The following PHF24 variants were observed in gnomAD, a reference collection of about 807,000 sequenced individuals.
PHF24 encodes Galpha inhibitory interacting protein.
In PHF24, 25 loss-of-function variants were observed where a neutral mutation model predicts 42.6. That is an observed-to-expected ratio of 0.59 (90% confidence interval 0.43 to 0.82). The LOEUF (loss-of-function observed/expected upper bound fraction) is 0.82, where lower values mean the gene tolerates loss of function less well. Among genes scored for constraint, PHF24 ranks in the 40% least tolerant of loss-of-function variants. The pLI is 0.00. For missense variants in PHF24, 470 were observed against 538.1 expected, an observed-to-expected ratio of 0.87 and a Z score of 1.25; for synonymous variants, 185 against 204.8, an observed-to-expected ratio of 0.90 and a Z score of 0.83.
At chr9:34,708,690 G>A in the PHF24 span, among the ~76,000 whole-genome samples, 1 of 152,340 alleles carries the variant, frequency 6.6e-6, no homozygotes, top group East Asian at 1.9e-4. Flanking sequence ...TGAAGGTCAT[G>A]GAAAAGATCC....
chr9:34,721,204 T>A, the PHF24 span, among the ~76,000 whole-genome samples: 1 of 152,220 alleles, frequency 6.6e-6, no homozygotes, highest in Admixed American at 6.5e-5. Flanking sequence ...CCAGCAGTTC[T>A]CCCCTTGAGC....
chr9:34,873,383 A>G, the PHF24 span, among the ~76,000 whole-genome samples: 39 of 152,096 alleles, frequency 2.6e-4, no homozygotes, highest in African/African-American at 8.9e-4. Flanking sequence ...ATTTTTGTAT[A>G]AGGTGTAAGG....
the PHF24 span, among the ~76,000 whole-genome samples, chr9:34,746,141 G>T: frequency 6.6e-6 from 1 of 152,192 alleles, no homozygotes; most frequent in East Asian, 1.9e-4. Flanking sequence ...TGCTTGATAA[G>T]AAGGAGGGGT....
chr9:34,972,655 C>G (rs886684638), intron 3 of PHF24, 124 bp downstream of exon 3: 1 of 850,862 alleles, frequency 1.2e-6, no homozygotes, highest in East Asian at 2.9e-5. Context: ...GTGGCTCATG[C>G]CTGTAATCCC....
the PHF24 span, among the ~76,000 whole-genome samples, chr9:34,823,282 C>A: frequency 1.3e-5 from 2 of 151,300 alleles, no homozygotes; most frequent in Non-Finnish European, 2.9e-5. Context: ...GACTTTCCAG[C>A]CTGGCACTGC....
the PHF24 span, among the ~76,000 whole-genome samples, chr9:34,679,945 A>C: frequency 6.6e-6 from 1 of 152,264 alleles, no homozygotes; most frequent in East Asian, 1.9e-4. Context: ...TGACACCTTG[A>C]GTTCAGCCTA....
At chr9:34,773,440 T>C in the PHF24 span, among the ~76,000 whole-genome samples, 11 of 150,060 alleles carry the variant, frequency 7.3e-5, no homozygotes, top group South Asian at 1.3e-3. Flanking sequence ...AAAAAAAAAA[T>C]TGGTGGAGAT....
At chr9:34,773,073 C>T in the PHF24 span, among the ~76,000 whole-genome samples, 1 of 151,978 alleles carries the variant, frequency 6.6e-6, no homozygotes, top group Non-Finnish European at 1.5e-5. Flanking sequence ...TCACCGCAAC[C>T]TCCGCCTCGC....
chr9:34,691,695 C>T, the PHF24 span, among the ~76,000 whole-genome samples: 1 of 152,156 alleles, frequency 6.6e-6, no homozygotes, highest in African/African-American at 2.4e-5. Flanking sequence ...CTCCCTGGCA[C>T]CCTCAGGACA....
At chr9:34,790,228 A>G in the PHF24 span, among the ~76,000 whole-genome samples, 2 of 152,234 alleles carry the variant, frequency 1.3e-5, no homozygotes, top group African/African-American at 4.8e-5. Context: ...AAGATCAATA[A>G]CAAGAGTGAT....
the PHF24 span, among the ~76,000 whole-genome samples, chr9:34,902,473 AC>A: frequency 6.6e-6 from 1 of 151,960 alleles, no homozygotes; most frequent in Non-Finnish European, 1.5e-5. Context: ...ACATAATGGG[AC>A]CCCATCTCTA....
chr9:34,746,529 C>T, the PHF24 span, among the ~76,000 whole-genome samples: 5 of 152,062 alleles, frequency 3.3e-5, no homozygotes, highest in African/African-American at 1.2e-4. Context: ...CTGCAATTCA[C>T]ATTAAGAGAA....
the PHF24 span, among the ~76,000 whole-genome samples, chr9:34,745,593 AAAAAGACCAG>A: frequency 1.3e-5 from 2 of 151,574 alleles, no homozygotes; most frequent in Non-Finnish European, 2.9e-5. Flanking sequence ...GTCCATGAGA[AAAAAGACCAG>A]AAATACCCCA....
the PHF24 span, among the ~76,000 whole-genome samples, chr9:34,786,276 A>G: frequency 2.0e-5 from 3 of 152,238 alleles, no homozygotes; most frequent in Non-Finnish European, 4.4e-5. Context: ...TATTAAATTA[A>G]TTATCAAGTA....
chr9:34,888,691 G>T, the PHF24 span, among the ~76,000 whole-genome samples: 9 of 152,298 alleles, frequency 5.9e-5, no homozygotes, highest in Non-Finnish European at 1.2e-4. Context: ...TTCCCTCCAG[G>T]TTGTCAGCAT....
chr9:34,909,531 C>T, the PHF24 span, among the ~76,000 whole-genome samples: 3 of 151,950 alleles, frequency 2.0e-5, no homozygotes, highest in Admixed American at 1.3e-4. Flanking sequence ...TTACCAGGGA[C>T]CGTTTGCAAT....
chr9:34,910,263 ATGAGGATC>A, the PHF24 span, among the ~76,000 whole-genome samples: 1 of 152,150 alleles, frequency 6.6e-6, no homozygotes, highest in Non-Finnish European at 1.5e-5. Flanking sequence ...CACTATGCTA[ATGAGGATC>A]TCCTCTCTTT....
chr9:34,917,723 T>C, the PHF24 span: 6 of 804,764 alleles, frequency 7.5e-6, no homozygotes, highest in Non-Finnish European at 1.4e-5. Context: ...TTACAGCGCC[T>C]GCTTGTATGC....
At chr9:34,667,108 C>T in the PHF24 span, among the ~76,000 whole-genome samples, 1 of 152,154 alleles carries the variant, frequency 6.6e-6, no homozygotes, top group Admixed American at 6.5e-5. Flanking sequence ...GGGCAATCAA[C>T]CCAGTGTGGG....
Sources: allele counts gnomAD v4.1 joint callset (sites outside exome capture counted in the v4.1 genomes callset), GRCh38; gene constraint gnomAD v4.1.1; transcripts MANE v1.5; gene names NCBI Gene and HGNC (gene_info 2026-07-23, HGNC 2026-07-21).